Variants in ZNRF1 observed in about 807,000 individuals in gnomAD.
ZNRF1 encodes the protein E3 ubiquitin-protein ligase ZNRF1.
ZNRF1 carries 3 observed loss-of-function variants against 18.4 expected under a neutral mutation model. The observed-to-expected ratio is 0.16, with a 90% CI of 0.07 to 0.42. ZNRF1 has a LOEUF of 0.42. Ranked by LOEUF, ZNRF1 falls within the 10% of genes least tolerant of loss-of-function variation. The pLI, the probability that ZNRF1 is intolerant of heterozygous loss-of-function variation, is 0.99. For missense variants in ZNRF1, 310 were observed against 329.8 expected (o/e 0.94, Z 0.47); for synonymous variants, 157 against 144.2 (o/e 1.09, Z -0.64).
intron 1 of ZNRF1, among the ~76,000 whole-genome samples, chr16:75,042,491 ACAT>A (rs1256032747): frequency 1.4e-5 from 2 of 148,016 alleles, no homozygotes; most frequent in Non-Finnish European, 3.0e-5. Flanking sequence ...AGTTGTAGCA[ACAT>A]CATTTGTTGA....
At position 75,000,638 on chromosome 16, in the gene ZNRF1, C is replaced by T. The variant is rs1176041054; in HGVS notation, c.424+543C>T. 2.0e-5 allele frequency among the ~76,000 whole-genome samples: 3 copies of T among 152,222 alleles called. No individual in the cohort carries two copies. In the East Asian group the frequency reaches 5.8e-4, roughly 29 times the overall value. Reference sequence around the variant, plus strand: ...TCTGTTTGAAATGTTTAAAATGGAGCAGCCGGCAGGCGGCTGGCATAGACA... The same window carrying T: ...TCTGTTTGAAATGTTTAAAATGGAGTAGCCGGCAGGCGGCTGGCATAGACA... On this transcript the variant is annotated intron_variant, in intron 1 of 4. Coordinates refer to ENST00000335325, the MANE Select transcript of ZNRF1 (RefSeq NM_032268.5).
At chr16:75,061,137 A>T (rs1852295050) in intron 1 of ZNRF1, among the ~76,000 whole-genome samples, 1 of 152,210 alleles carries the variant, frequency 6.6e-6, no homozygotes, top group African/African-American at 2.4e-5. Context: ...CCCCTCAAGC[A>T]TTTATCCTTT....
chr16:75,053,953 G>C lies in ZNRF1; in HGVS notation c.425-39619G>C, dbSNP rs747348677. ...TGTTACATATTCCCTTTGGTGATCA[G>C]AGTCTTCCCAAGCCATGGTCAAAAC... is the stretch of plus-strand genomic sequence containing the variant. On this transcript the variant is annotated intron_variant, in intron 1 of 4. Transcript: ENST00000335325. 1.9e-4 allele frequency among the ~76,000 whole-genome samples: 29 copies of C among 152,198 alleles called. 1 individual carries two copies. The highest frequency in any genetic ancestry group is 8.8e-5 in the Non-Finnish European group (6 of 68,038).
chr16:75,036,410 C>T (rs953687182), intron 1 of ZNRF1, among the ~76,000 whole-genome samples: 3 of 152,090 alleles, frequency 2.0e-5, no homozygotes, highest in African/African-American at 4.8e-5. Flanking sequence ...AGATTACAGC[C>T]GTGAGCCACT....
chr16:75,042,621 G>T (rs1409519680), intron 1 of ZNRF1, among the ~76,000 whole-genome samples: 1 of 151,914 alleles, frequency 6.6e-6, no homozygotes, highest in Non-Finnish European at 1.5e-5. Flanking sequence ...TGCTATTGTG[G>T]TTACTTGTAA....
At chr16:75,040,043 T>TC in intron 1 of ZNRF1, among the ~76,000 whole-genome samples, 1 of 3,364 alleles carries the variant, frequency 3.0e-4, no homozygotes, top group African/African-American at 3.5e-4. Context: ...CTTTTCTTTC[T>TC]TTTTTTTTTT....
At chr16:75,021,571 T>C (rs2035148596) in intron 1 of ZNRF1, among the ~76,000 whole-genome samples, 1 of 152,204 alleles carries the variant, frequency 6.6e-6, no homozygotes, top group African/African-American at 2.4e-5. Flanking sequence ...TGTTTTTATT[T>C]GTCATAACCA....
intron 1 of ZNRF1, among the ~76,000 whole-genome samples, chr16:75,085,516 T>A (rs188242336): frequency 3.0e-4 from 46 of 152,320 alleles, no homozygotes; most frequent in Non-Finnish European, 2.5e-4. Flanking sequence ...TATTTGTAGG[T>A]ATATGTTGAC....
intron 1 of ZNRF1, among the ~76,000 whole-genome samples, chr16:75,000,642 C>T (rs2034835516): frequency 1.3e-5 from 2 of 152,182 alleles, no homozygotes; most frequent in African/African-American, 2.4e-5. Flanking sequence ...ATGGAGCAGC[C>T]GGCAGGCGGC....
chr16:75,009,732 G>A lies in ZNRF1; in HGVS notation c.424+9637G>A, dbSNP rs536301625. ...CACCATACTGTTTTCCACAGTAGCT[G>A]CACCATTTTATATTCCTACCAACAG... On this transcript the variant is annotated intron_variant, in intron 1 of 4. Coordinates refer to ENST00000335325, the MANE Select transcript of ZNRF1 (RefSeq NM_032268.5). Among the ~76,000 whole-genome samples the A allele has an allele frequency of 2.6e-5, 4 of 151,560 alleles. No individual in the cohort carries two copies. In the East Asian group the frequency reaches 7.8e-4, roughly 29 times the overall value.
At chr16:75,096,571 G>A (rs537156811) in intron 2 of ZNRF1, among the ~76,000 whole-genome samples, 1 of 152,258 alleles carries the variant, frequency 6.6e-6, no homozygotes. Context: ...GCGAGGCGGG[G>A]CTTTCTTAGT....
chr16:75,051,928 ATC>A (rs776077557), intron 1 of ZNRF1, among the ~76,000 whole-genome samples: 7 of 152,160 alleles, frequency 4.6e-5, no homozygotes, highest in South Asian at 2.1e-4. Context: ...AACTATAGAC[ATC>A]TGTATACTTA....
At chr16:75,010,848 T>G (rs2034990979) in intron 1 of ZNRF1, among the ~76,000 whole-genome samples, 1 of 151,864 alleles carries the variant, frequency 6.6e-6, no homozygotes, top group African/African-American at 2.4e-5. Flanking sequence ...GTAGCTGGAA[T>G]TACAGGCATG....
At chr16:75,079,236 C>G (rs1022626263) in intron 1 of ZNRF1, among the ~76,000 whole-genome samples, 2 of 152,198 alleles carry the variant, frequency 1.3e-5, no homozygotes, top group Admixed American at 1.3e-4. Context: ...AATCCCAACT[C>G]TTTGGTAGGC....
chr16:75,104,996 A>C (rs1597913285), intron 3 of ZNRF1, 107 bp downstream of exon 3: 1 of 920,612 alleles, frequency 1.1e-6, no homozygotes, highest in Non-Finnish European at 1.7e-6. Flanking sequence ...CTCTCCCCCG[A>C]CCTCTGGCTC....
chr16:75,021,803 T>C (rs2035152778), intron 1 of ZNRF1, among the ~76,000 whole-genome samples: 1 of 152,196 alleles, frequency 6.6e-6, no homozygotes, highest in Admixed American at 6.5e-5. Context: ...ATTTAATTTA[T>C]TTTTATACAT....
At chr16:75,049,314 T>C (rs1841858282) in intron 1 of ZNRF1, among the ~76,000 whole-genome samples, 1 of 152,126 alleles carries the variant, frequency 6.6e-6, no homozygotes. Flanking sequence ...TGGAATCCTT[T>C]TTTTTATGTC....
chr16:75,064,372 A>G (rs905945640), intron 1 of ZNRF1, among the ~76,000 whole-genome samples: 4 of 152,028 alleles, frequency 2.6e-5, no homozygotes, highest in East Asian at 1.9e-4. Flanking sequence ...CCTGGCCAAC[A>G]TGGTGAAACA....
intron 1 of ZNRF1, among the ~76,000 whole-genome samples, chr16:75,057,075 C>T (rs538061882): frequency 1.3e-5 from 2 of 152,240 alleles, no homozygotes; most frequent in Admixed American, 6.5e-5. Context: ...TACAGAGTAC[C>T]GTAATGCTGT....
Sources: gnomAD v4.1 joint callset for allele counts (sites outside exome capture counted in the v4.1 genomes callset) on GRCh38, gnomAD v4.1.1 for gene constraint, MANE v1.5 for transcripts, NCBI Gene and HGNC (gene_info 2026-07-23, HGNC 2026-07-21) for gene names.